The following CYP11B2 variants were observed in gnomAD, a reference collection of about 807,000 sequenced individuals.
The protein encoded by CYP11B2 is cytochrome P450 family 11 subfamily B member 2, also known as cytochrome P450 11B2, mitochondrial.
In CYP11B2, 38 loss-of-function variants were observed where a neutral mutation model predicts 49.3. The observed-to-expected ratio is 0.77, with a 90% CI of 0.59 to 1.01. The LOEUF (loss-of-function observed/expected upper bound fraction) is 1.01, where lower values mean the gene tolerates loss of function less well. Ranked by LOEUF, CYP11B2 falls within the 50% of genes least tolerant of loss-of-function variation. The pLI is 0.00. For missense variants in CYP11B2, 669 were observed against 655.5 expected (o/e 1.02, Z -0.23); for synonymous variants, 290 against 269.3 (o/e 1.08, Z -0.75).
In CYP11B2 at chr8:142,913,527, C is replaced by T. The variant is rs933392639; in HGVS notation, c.955-76G>A. ...CCCGGGACACCCCTCCCAGGACAAC[C>T]TCCCTCTGAGGGGTGGAGACATCCA... On this transcript the variant is annotated intron_variant, in intron 5 of 8. Coordinates refer to ENST00000323110, the MANE Select transcript of CYP11B2 (RefSeq NM_000498.3). 2.3e-5 allele frequency: 36 copies of T among 1,583,522 alleles called. No individual in the cohort carries two copies. In the African/African-American group the frequency reaches 3.5e-4, roughly 16 times the overall value.
intron 8 of CYP11B2, 46 bp from the exon 9 acceptor site, chr8:142,912,139 G>C (rs755650022): frequency 2.5e-6 from 4 of 1,613,048 alleles, no homozygotes; most frequent in Middle Eastern, 1.6e-4. Context: ...AGTAGCCCAT[G>C]GACCTGGGGC....
Position 142,914,405 on chromosome 8 carries a change from G to A in CYP11B2, c.813C>T (p.Ile271=), listed in dbSNP as rs2130329022. The A allele has an allele frequency of 6.2e-7, 1 of 1,612,960 alleles. No individual in the cohort carries two copies. Among genetic ancestry groups the A allele is most frequent in the Non-Finnish European group, 8.5e-7 (1 of 1,179,436 alleles). Residue 271 remains isoleucine, a synonymous_variant, in exon 5 of 9, where the codon ATC becomes ATT. Transcript: ENST00000323110. The part of the protein sequence containing the change: ...DCIFQYGDNC[I]QKIYQELAFN... ...AGGCCAGTTCCTGGTAGATTTTCTG[G>A]ATACAGTTGTCACCTGTCCAGGGAG...
intron 3 of CYP11B2, 50 bp from the exon 4 acceptor site, chr8:142,914,958 C>A (rs1474254224): frequency 3.1e-6 from 5 of 1,609,956 alleles, no homozygotes; most frequent in Non-Finnish European, 4.2e-6. Context: ...GGCCTCCTGG[C>A]TGCCTCCCCA....
rs1563882058 is a variant in CYP11B2, at chr8:142,917,101, G to C, written c.353C>G (p.Ala118Gly). The C allele has an allele frequency of 2.5e-6, 4 of 1,614,176 alleles. No homozygotes were observed. The highest frequency in any genetic ancestry group is 3.4e-6 in the Non-Finnish European group (4 of 1,180,024). Residue 118 changes from alanine to glycine, a missense_variant, in exon 2 of 9, where the codon GCC becomes GGC. Ala to Gly is a moderately conservative substitution (Grantham distance 60, BLOSUM62 0). Transcript: ENST00000323110. ...PCRMILEPWV[A>G]YRQHRGHKCG... is the part of the protein sequence containing the mutation. The stretch of plus-strand genomic sequence containing the variant: ...TTTGTGCCCACGATGTTGTCTGTAG[G>C]CCACCCAGGGCTCCAGGATCATCCT...
In CYP11B2 at chr8:142,911,978, G is replaced by A; in HGVS notation, c.*2C>T. ...GCTGGGACCCTGGGTGCAGATGCAAGACTAGTTAATCGCTCTGAAAGTGAG... is the reference window on the plus strand; with the variant it reads ...GCTGGGACCCTGGGTGCAGATGCAAAACTAGTTAATCGCTCTGAAAGTGAG... On this transcript the variant is annotated 3_prime_UTR_variant, in exon 9 of 9. Coordinates refer to ENST00000323110, the MANE Select transcript of CYP11B2 (RefSeq NM_000498.3). 2 of 1,613,996 alleles carry A rather than the reference G, an allele frequency of 1.2e-6. No individual in the cohort carries two copies. Among genetic ancestry groups the A allele is most frequent in the Non-Finnish European group, 1.7e-6 (2 of 1,179,928 alleles).
rs1817563927 is a variant in CYP11B2 at position 142,912,820 on chromosome 8, T to C, written c.1187A>G (p.His396Arg). 1.2e-6 allele frequency: 2 copies of C among 1,613,838 alleles called. No homozygotes were observed. Among genetic ancestry groups the C allele is most frequent in the East Asian group, 4.5e-5 (2 of 44,870 alleles). ...GGGCTCACTCACCCCAGCTGGGATG[T>C]GGTAGTTCTGAAGCACCAAGTCTGA... is the stretch of plus-strand genomic sequence containing the variant. The part of the protein sequence containing the change: ...VSSDLVLQNY[H>R]IPAGTLVQVF... The change falls in exon 7 of 9, where the codon CAC becomes CGC. Residue 396 changes from histidine (H) to arginine (R), a missense_variant. His to Arg is a conservative substitution (Grantham distance 29). Transcript: ENST00000323110.
At chr8:142,912,421 G>A in intron 8 of CYP11B2, 109 bp downstream of exon 8, 1 of 1,243,742 alleles carries the variant, frequency 8.0e-7, no homozygotes, top group Non-Finnish European at 1.1e-6. Flanking sequence ...ACCAACCAAG[G>A]CCCCATCCAC....
Position 142,914,925 on chromosome 8 carries a change from C to G in CYP11B2, c.596-17G>C. 1 of 1,613,290 alleles carries G rather than the reference C, an allele frequency of 6.2e-7. No individual in the cohort carries two copies. Among genetic ancestry groups the G allele is most frequent in the South Asian group, 1.1e-5 (1 of 90,908 alleles). ...AGTTGCTGGCTGCGGGGAGGATGCA[C>G]TGCTGAGCACAAGGCAGCCCCAGGC... On this transcript the variant is annotated splice_polypyrimidine_tract_variant and intron_variant, in intron 3 of 8. Transcript: ENST00000323110.
At position 142,911,952 on chromosome 8, in the gene CYP11B2, G is replaced by A. The variant is rs1267313975; in HGVS notation, c.*28C>T. The A allele has an allele frequency of 5.0e-6, 8 of 1,613,802 alleles. No individual in the cohort carries two copies. Among genetic ancestry groups the A allele is most frequent in the Non-Finnish European group, 6.8e-6 (8 of 1,179,890 alleles). ...TCAGGCAGAGGGAAGCTGGTGGCCA[G>A]GCTGGGACCCTGGGTGCAGATGCAA... is the stretch of plus-strand genomic sequence containing the variant. On this transcript the variant is annotated 3_prime_UTR_variant, in exon 9 of 9. Coordinates refer to ENST00000323110, the MANE Select transcript of CYP11B2 (RefSeq NM_000498.3).
At chr8:142,914,158 G>C in intron 5 of CYP11B2, 106 bp downstream of exon 5, 1 of 1,330,230 alleles carries the variant, frequency 7.5e-7, no homozygotes, top group Non-Finnish European at 1.1e-6. Context: ...TGTGGGGCCT[G>C]TAGCCTGGGG....
chr8:142,917,371 A>G lies in CYP11B2; in HGVS notation c.240-157T>C, dbSNP rs79055561. 1.6e-3 allele frequency among the ~76,000 whole-genome samples: 247 copies of G among 152,232 alleles called. 3 individuals are homozygous for G. The East Asian group carries it at 0.037, about 23-fold the overall frequency. ...CCTGCTGGCTCCCTGGAACCTTTCA[A>G]CTTTAGTGCTTCTGAGTCCTGCCCT... On this transcript the variant is annotated intron_variant, in intron 1 of 8. Transcript: ENST00000323110.
intron 8 of CYP11B2, 25 bp downstream of exon 8, chr8:142,912,501 GTCCC>G: frequency 6.3e-7 from 1 of 1,583,972 alleles, no homozygotes; most frequent in Non-Finnish European, 8.7e-7. Flanking sequence ...TGCTGCCCAG[GTCCC>G]GCCCCCGCCC....
rs1480403107 is a variant in CYP11B2 at position 142,915,362 on chromosome 8, C to T, written c.396-117G>A. ...GCCTGCAGGGAGCTGACTGGGGGCC[C>T]TGGTAGAAGCTGCCTGTTTGTGTTC... On this transcript the variant is annotated intron_variant, in intron 2 of 8. Coordinates refer to ENST00000323110, the MANE Select transcript of CYP11B2 (RefSeq NM_000498.3). 7.4e-6 allele frequency: 7 copies of T among 940,168 alleles called. No homozygotes were observed. The South Asian group carries it at 8.4e-5, about 11-fold the overall frequency. 58.2% of individuals were successfully genotyped at this position (940,168 alleles called of 1,614,324 possible).
At chr8:142,915,996 G>A (rs1817637984) in intron 2 of CYP11B2, among the ~76,000 whole-genome samples, 2 of 152,152 alleles carry the variant, frequency 1.3e-5, no homozygotes, top group South Asian at 4.1e-4. Flanking sequence ...AGACGCATGT[G>A]CATGTGTGCA....
At chr8:142,913,587 A>T (rs1398465562) in intron 5 of CYP11B2, 136 bp from the exon 6 acceptor site, 2 of 1,059,136 alleles carry the variant, frequency 1.9e-6, no homozygotes, top group African/African-American at 3.1e-5. Flanking sequence ...GGGACCCCGG[A>T]TCTGAAACCT....
intron 1 of CYP11B2, 87 bp downstream of exon 1, chr8:142,917,515 G>A: frequency 6.2e-7 from 1 of 1,613,456 alleles, no homozygotes; most frequent in Admixed American, 1.7e-5. Context: ...GACCTGCTGG[G>A]AATGGCAGTG....
intron 6 of CYP11B2, among the ~76,000 whole-genome samples, 183 bp from the exon 7 acceptor site, chr8:142,913,068 G>A (rs1817570376): frequency 6.6e-6 from 1 of 150,750 alleles, no homozygotes; most frequent in Non-Finnish European, 1.5e-5. Flanking sequence ...AGCCCCAAGC[G>A]CAGAAGGACA....
At position 142,913,400 on chromosome 8, in the gene CYP11B2, C is replaced by G; in HGVS notation, c.1006G>C (p.Val336Leu). The change falls in exon 6 of 9, where the codon GTG becomes CTG. Residue 336 changes from valine to leucine, a missense_variant. Transcript: ENST00000323110. ...CTCTCCTGGCGCAGGATCTGCTGCA[C>G]GTCGGGGTTCCGAGCCAGCTCAAAG... Reference protein sequence around the residue: ...TLFELARNPDVQQILRQESLA... With the variant: ...TLFELARNPDLQQILRQESLA... 1 of 1,613,974 alleles carries G rather than the reference C, an allele frequency of 6.2e-7. No homozygotes were observed. The highest frequency in any genetic ancestry group is 8.5e-7 in the Non-Finnish European group (1 of 1,180,024).
In CYP11B2 at chr8:142,911,752, A is replaced by G; in HGVS notation, c.*228T>C. ...AAGGGGCCAGGTGGAGCTGGGGACA[A>G]GGCCAGGCCCTGCCAGCAAGATCGT... On this transcript the variant is annotated 3_prime_UTR_variant, in exon 9 of 9. Coordinates refer to ENST00000323110, the MANE Select transcript of CYP11B2 (RefSeq NM_000498.3). The G allele has an allele frequency of 1.6e-6, 1 of 611,368 alleles. No individual in the cohort carries two copies. The highest frequency in any genetic ancestry group is 2.0e-5 in the South Asian group (1 of 50,902). The allele number at this position is 611,368 out of a possible 1,614,324, so 37.9% of individuals were successfully genotyped here.
Sources: allele counts gnomAD v4.1 joint callset (sites outside exome capture counted in the v4.1 genomes callset), GRCh38; gene constraint gnomAD v4.1.1; transcripts MANE v1.5; gene names NCBI Gene and HGNC (gene_info 2026-07-23, HGNC 2026-07-21).